Variants in COL19A1 observed in about 807,000 individuals in gnomAD.
The protein encoded by COL19A1 is collagen alpha-1(XIX) chain.
A neutral mutation model predicts 190.2 loss-of-function variants in COL19A1; 159 were observed. The ratio of observed to expected loss-of-function variants is 0.84; its 90% CI spans 0.73 to 0.95. The LOEUF (loss-of-function observed/expected upper bound fraction) is 0.95, where lower values mean the gene tolerates loss of function less well. COL19A1 is among the 40% of genes least tolerant of loss of function. The pLI, the probability that COL19A1 is intolerant of heterozygous loss-of-function variation, is 0.00. For synonymous variants in COL19A1, 509 were observed against 458.9 expected (o/e 1.11, Z -1.39); for missense variants, 1,418 against 1,431.9 (o/e 0.99, Z 0.16).
chr6:69,922,634 C>A (rs1222792471), intron 4 of COL19A1, among the ~76,000 whole-genome samples: 1 of 151,930 alleles, frequency 6.6e-6, no homozygotes, highest in East Asian at 1.9e-4. Context: ...GCGCGTGCCA[C>A]CATGCCTGAC....
rs1261681798 is a variant in COL19A1, at chr6:70,199,754, A to C, written c.3223+18A>C. ...ACCCCAAGGTAAGTCTTCAAGTGTA[A>C]TATTGGCTTATTGATTTTTAACTCT... is the stretch of plus-strand genomic sequence containing the variant. On this transcript the variant is annotated intron_variant, in intron 49 of 50. Coordinates refer to ENST00000620364, the MANE Select transcript of COL19A1 (RefSeq NM_001858.6). The C allele has an allele frequency of 1.9e-6, 3 of 1,584,846 alleles. No individual in the cohort carries two copies. Among genetic ancestry groups the C allele is most frequent in the Admixed American group, 1.8e-5 (1 of 55,550 alleles).
intron 44 of COL19A1, 80 bp from the exon 45 acceptor site, chr6:70,184,623 G>T (rs1460942268): frequency 1.8e-6 from 2 of 1,114,750 alleles, no homozygotes; most frequent in Non-Finnish European, 2.6e-6. Context: ...TTAAGGAACT[G>T]TCCTCGAAAC....
chr6:70,112,021 G>T (rs1241716023), intron 16 of COL19A1, among the ~76,000 whole-genome samples: 3 of 152,156 alleles, frequency 2.0e-5, no homozygotes, highest in African/African-American at 7.2e-5. Flanking sequence ...AGGAAGAGTT[G>T]TCATTCTACC....
chr6:70,157,112 A>G (rs890127819), intron 34 of COL19A1, among the ~76,000 whole-genome samples: 5 of 152,122 alleles, frequency 3.3e-5, no homozygotes, highest in African/African-American at 9.7e-5. Context: ...CAGTAAGGGC[A>G]GCTCAAGAAC....
intron 4 of COL19A1, among the ~76,000 whole-genome samples, chr6:69,923,299 A>G (rs1000074521): frequency 6.6e-6 from 1 of 152,148 alleles, no homozygotes; most frequent in African/African-American, 2.4e-5. Flanking sequence ...TCTCTCTCCA[A>G]CACATGGTAG....
chr6:70,164,492 C>T (rs1320126778), intron 36 of COL19A1, among the ~76,000 whole-genome samples: 2 of 152,118 alleles, frequency 1.3e-5, no homozygotes, highest in African/African-American at 2.4e-5. Context: ...GAAACAATGA[C>T]TTTATTCTAG....
intron 9 of COL19A1, among the ~76,000 whole-genome samples, chr6:69,957,779 G>A (rs1198988807): frequency 6.6e-6 from 1 of 152,102 alleles, no homozygotes; most frequent in Admixed American, 6.6e-5. Context: ...TTTATTTTAT[G>A]AATAGAATTA....
intron 4 of COL19A1, among the ~76,000 whole-genome samples, chr6:69,926,682 A>G (rs1772419487): frequency 6.6e-6 from 1 of 152,118 alleles, no homozygotes; most frequent in Non-Finnish European, 1.5e-5. Context: ...AGGAGTGGAG[A>G]GAGAGTAAAG....
chr6:69,911,183 A>C (rs1420420902), intron 4 of COL19A1, among the ~76,000 whole-genome samples: 1 of 152,218 alleles, frequency 6.6e-6, no homozygotes, highest in Non-Finnish European at 1.5e-5. Context: ...AATCTATGTC[A>C]ACCAAGGAAG....
chr6:70,023,761 A>AT, intron 12 of COL19A1, 81 bp downstream of exon 12: 1 of 1,355,532 alleles, frequency 7.4e-7, no homozygotes, highest in Non-Finnish European at 1.0e-6. Context: ...AGATTTGCCT[A>AT]TTTTTGGCAG....
intron 36 of COL19A1, among the ~76,000 whole-genome samples, chr6:70,164,598 T>C (rs369516806): frequency 1.3e-5 from 2 of 152,302 alleles, no homozygotes; most frequent in East Asian, 3.9e-4. Context: ...TATTCAGTCA[T>C]AGACTTGCCT....
At chr6:70,111,799 G>A (rs1398754477) in intron 16 of COL19A1, among the ~76,000 whole-genome samples, 2 of 152,158 alleles carry the variant, frequency 1.3e-5, no homozygotes, top group African/African-American at 2.4e-5. Context: ...ACAACCTATA[G>A]ATAAGGGAGA....
intron 40 of COL19A1, among the ~76,000 whole-genome samples, chr6:70,171,539 C>T (rs1437386854): frequency 6.6e-6 from 1 of 152,178 alleles, no homozygotes; most frequent in African/African-American, 2.4e-5. Context: ...AGATGATAAA[C>T]ACTGCTTTGA....
At chr6:69,989,553 C>CTTTTTTTTTTTTTTTT (rs3072698) in intron 11 of COL19A1, among the ~76,000 whole-genome samples, 5 of 126,350 alleles carry the variant, frequency 4.0e-5, no homozygotes, top group African/African-American at 1.6e-4. Flanking sequence ...GAGTTTTTTA[C>CTTTTTTTTTTTTTTTT]TTTTTTTTTT....
chr6:70,161,915 C>A lies in COL19A1; in HGVS notation c.2308C>A (p.Pro770Thr). The A allele has an allele frequency of 1.2e-6, 2 of 1,607,624 alleles. No individual in the cohort carries two copies. The highest frequency in any genetic ancestry group is 1.3e-5 in the African/African-American group (1 of 74,716). Residue 770 changes from proline (P) to threonine (T), a missense_variant, in exon 35 of 51, where the codon CCA (proline) becomes ACA (threonine). Pro to Thr is a conservative substitution (Grantham distance 38). Coordinates refer to ENST00000620364, the MANE Select transcript of COL19A1 (RefSeq NM_001858.6). ...TCTTTTCCAGGGTCTTCAAGGAATT[C>A]CAGGCATTCCAGGTGCTCCAGGCCC... ...EKGDEGLQGI[P>T]GIPGAPGPTG...
chr6:69,922,880 A>G (rs897400942), intron 4 of COL19A1, among the ~76,000 whole-genome samples: 1 of 152,158 alleles, frequency 6.6e-6, no homozygotes, highest in African/African-American at 2.4e-5. Context: ...CAACAGATAA[A>G]GTGCCCTGTT....
chr6:70,074,766 T>C (rs1582847358), intron 15 of COL19A1, among the ~76,000 whole-genome samples: 1 of 152,190 alleles, frequency 6.6e-6, no homozygotes, highest in African/African-American at 2.4e-5. Context: ...ACAGGTGATA[T>C]GATTGTCTTC....
chr6:70,184,701 A>G lies in COL19A1; in HGVS notation c.2776-2A>G, dbSNP rs1487650617. 1.3e-6 allele frequency: 2 copies of G among 1,586,440 alleles called. No individual in the cohort carries two copies. Among genetic ancestry groups the G allele is most frequent in the Non-Finnish European group, 1.7e-6 (2 of 1,162,416 alleles). On this transcript the variant is annotated splice_acceptor_variant, in intron 44 of 50. Transcript: ENST00000620364. LOFTEE classifies it high-confidence loss of function. ...AAATATTAATCCTTTTTTTCTTTAT[A>G]GGGAATAAATGGAAAAGATGGAATA...
At chr6:69,960,915 G>A (rs1437311940) in intron 10 of COL19A1, among the ~76,000 whole-genome samples, 1 of 152,140 alleles carries the variant, frequency 6.6e-6, no homozygotes, top group Non-Finnish European at 1.5e-5. Flanking sequence ...ACAGGCGTGA[G>A]CCACCACACC....
Sources: gnomAD v4.1 joint callset for allele counts (sites outside exome capture counted in the v4.1 genomes callset) on GRCh38, gnomAD v4.1.1 for gene constraint, MANE v1.5 for transcripts, NCBI Gene and HGNC (gene_info 2026-07-23, HGNC 2026-07-21) for gene names.